ZNF683: variants seen among roughly 807,000 people sequenced by gnomAD.
ZNF683 encodes zinc finger protein 683.
ZNF683 carries 20 observed loss-of-function variants against 31.4 expected under a neutral mutation model. The observed-to-expected ratio is 0.64, with a 90% CI of 0.45 to 0.93. ZNF683 has a LOEUF of 0.93. ZNF683 is among the 40% of genes least tolerant of loss of function. ZNF683 has a pLI of 0.00. For missense variants in ZNF683, 621 were observed against 637.2 expected, an observed-to-expected ratio of 0.97 and a Z score of 0.27; for synonymous variants, 264 against 267.6, an observed-to-expected ratio of 0.99 and a Z score of 0.13.
In ZNF683 at chr1:26,364,911, G is replaced by T; in HGVS notation, c.635C>A (p.Pro212His). 1 of 1,546,554 alleles carries T rather than the reference G, an allele frequency of 6.5e-7. No homozygotes were observed. Among genetic ancestry groups the T allele is most frequent in the Non-Finnish European group, 8.7e-7 (1 of 1,149,640 alleles). Residue 212 changes from proline to histidine, a missense_variant, in exon 4 of 6, where the codon CCT (proline) becomes CAT (histidine). Transcript: ENST00000349618. ...PPHLFTYGAL[P>H]SDQCPHLLML... ...GAGGAGGTGGGGACATTGGTCAGAA[G>T]GTAGGGCCCCATAGGTGAACAGGTG...
chr1:26,368,445 G>C lies in ZNF683; in HGVS notation c.114+13C>G. ...AGACTACCCACAAAGGTAAGGCTGG[G>C]GTTCTACCTTACCTGGTCACCTCGG... On this transcript the variant is annotated intron_variant, in intron 2 of 5. Coordinates refer to ENST00000349618, the MANE Select transcript of ZNF683 (RefSeq NM_001114759.3). 6.4e-7 allele frequency: 1 copy of C among 1,563,404 alleles called. No homozygotes were observed. Among genetic ancestry groups the C allele is most frequent in the Non-Finnish European group, 8.6e-7 (1 of 1,157,306 alleles).
In ZNF683 at chr1:26,364,459, T is replaced by C; in HGVS notation, c.1014+73A>G. ...CTTCTAGCTTTGAGGTCCTTGCTTCTAGAAGCAGACTCGGGTGCATGGGGG... is the reference window on the plus strand; with the variant it reads ...CTTCTAGCTTTGAGGTCCTTGCTTCCAGAAGCAGACTCGGGTGCATGGGGG... On this transcript the variant is annotated intron_variant, in intron 4 of 5. Transcript: ENST00000349618. The C allele has an allele frequency of 1.9e-6, 3 of 1,562,960 alleles. No individual in the cohort carries two copies. In the African/African-American group the frequency reaches 4.1e-5, roughly 21 times the overall value.
intron 2 of ZNF683, 60 bp downstream of exon 2, chr1:26,368,398 A>G: frequency 2.0e-6 from 3 of 1,474,176 alleles, no homozygotes; most frequent in Middle Eastern, 1.8e-4. Context: ...TTTTCCTCCT[A>G]ATGTCACCTC....
At chr1:26,364,345 G>A (rs1171204079) in intron 4 of ZNF683, among the ~76,000 whole-genome samples, 187 bp downstream of exon 4, 1 of 152,144 alleles carries the variant, frequency 6.6e-6, no homozygotes, top group East Asian at 1.9e-4. Context: ...CCTCTAGGGT[G>A]GCGAGGACTT....
In ZNF683 at chr1:26,361,932, G is replaced by C. The variant is rs374260475; in HGVS notation, c.1234C>G (p.Arg412Gly). Residue 412 changes from arginine to glycine, a missense_variant, in exon 6 of 6, where the codon CGG (arginine) becomes GGG (glycine). Physicochemically the swap from Arg to Gly is moderately radical, Grantham distance 125 (BLOSUM62 -2). Transcript: ENST00000349618. ...GARPFQCSVC[R>G]SRFTQHIHLK... ...TGGATGTGCTGGGTGAAGCGACTCCGGCAGACACTGCACTGGAAGGGCCGG... is the reference window on the plus strand; with the variant it reads ...TGGATGTGCTGGGTGAAGCGACTCCCGCAGACACTGCACTGGAAGGGCCGG... 1.2e-6 allele frequency: 2 copies of C among 1,613,874 alleles called. No homozygotes were observed. Among genetic ancestry groups the C allele is most frequent in the Non-Finnish European group, 1.7e-6 (2 of 1,179,896 alleles).
chr1:26,368,544 C>T lies in ZNF683; in HGVS notation c.28G>A (p.Gly10Ser). 6.2e-7 allele frequency: 1 copy of T among 1,606,682 alleles called. No homozygotes were observed. The highest frequency in any genetic ancestry group is 8.5e-7 in the Non-Finnish European group (1 of 1,176,520). Residue 10 changes from glycine to serine, a missense_variant, in exon 2 of 6, where the codon GGT becomes AGT. Transcript: ENST00000349618. ...AGGGCCATGGGCCTATGACAACAAC[C>T]TAATTGTGCAGCTGATTCTTCCTTC... is the stretch of plus-strand genomic sequence containing the variant. Reference protein sequence around the residue: MKEESAAQLGCCHRPMALGG... With the variant: MKEESAAQLSCCHRPMALGG...
intron 4 of ZNF683, 36 bp downstream of exon 4, chr1:26,364,496 T>C: frequency 6.2e-7 from 1 of 1,604,124 alleles, no homozygotes; most frequent in South Asian, 1.1e-5. Context: ...CCCTGAAGGA[T>C]GTTGAGGGGA....
chr1:26,369,015 C>T (rs1339655909), intron 1 of ZNF683, among the ~76,000 whole-genome samples: 5 of 151,808 alleles, frequency 3.3e-5, no homozygotes, highest in Non-Finnish European at 2.9e-5. Flanking sequence ...GAGTCCAAGG[C>T]GGTTGGATGA....
rs2074478830 is a variant in ZNF683, at chr1:26,364,854, A to G, written c.692T>C (p.Met231Thr). The change falls in exon 4 of 6, where the codon ATG becomes ACG. Residue 231 changes from methionine (M) to threonine (T), a missense_variant. Transcript: ENST00000349618. ...MLPQDPSYPT[M>T]AMPSLLMMVN... ...CATCATCAGCAGGCTAGGCATAGCC[A>G]TGGTGGGGTAGGAGGGGTCTTGGGG... is the stretch of plus-strand genomic sequence containing the variant. 6.4e-7 allele frequency: 1 copy of G among 1,561,764 alleles called. No individual in the cohort carries two copies. The highest frequency in any genetic ancestry group is 8.7e-7 in the Non-Finnish European group (1 of 1,154,756).
intron 3 of ZNF683, among the ~76,000 whole-genome samples, chr1:26,367,083 G>A (rs2074541947): frequency 6.6e-6 from 1 of 152,094 alleles, no homozygotes; most frequent in African/African-American, 2.4e-5. Flanking sequence ...TGGCCAACAT[G>A]GCAAAACCCT....
chr1:26,364,387 A>G (rs1009937334), intron 4 of ZNF683, 145 bp downstream of exon 4: 1 of 868,886 alleles, frequency 1.2e-6, no homozygotes, highest in African/African-American at 1.7e-5. Context: ...TCTCCACCCA[A>G]ATGAACCATC....
At chr1:26,373,833 G>T (rs1557746983), upstream of ZNF683, among the ~76,000 whole-genome samples, 1 of 152,162 alleles carries the variant, frequency 6.6e-6, no homozygotes, top group Non-Finnish European at 1.5e-5. Flanking sequence ...CTTTCTTGCT[G>T]TGTCTGGCAC....
chr1:26,374,140 AC>A (rs1282166895), upstream of ZNF683: 5 of 847,998 alleles, frequency 5.9e-6, no homozygotes, highest in Admixed American at 3.4e-5. Flanking sequence ...GTTCACCAAA[AC>A]TCTACTCCCT....
intron 3 of ZNF683, among the ~76,000 whole-genome samples, chr1:26,367,267 A>AAAAC (rs140165601): frequency 0.11 from 16,771 of 151,512 alleles, 1,132 homozygotes; most frequent in African/African-American, 0.18. Flanking sequence ...CTCCATCTCA[A>AAAAC]AAACAAACAA....
Position 26,372,657 on chromosome 1 carries a change from T to C in ZNF683, c.-15+12A>G, listed in dbSNP as rs2074696787. 1 of 1,302,170 alleles carries C rather than the reference T, an allele frequency of 7.7e-7. No homozygotes were observed. The highest frequency in any genetic ancestry group is 2.3e-5 in the Admixed American group (1 of 43,484). The allele number at this position is 1,302,170 out of a possible 1,614,324, so 80.7% of individuals were successfully genotyped here. ...AAAACTACTTCCCCTCTATCCGCAC[T>C]TCCCAACCTACTCTGGTGATCATGG... On this transcript the variant is annotated intron_variant, in intron 1 of 5. Transcript: ENST00000349618.
At chr1:26,365,687 A>G (rs1249240614) in intron 3 of ZNF683, among the ~76,000 whole-genome samples, 1 of 152,252 alleles carries the variant, frequency 6.6e-6, no homozygotes, top group Non-Finnish European at 1.5e-5. Context: ...CCATTATTGC[A>G]GGGAGTTCTA....
intron 5 of ZNF683, 148 bp from the exon 6 acceptor site, chr1:26,362,170 C>A (rs372846363): frequency 4.4e-6 from 7 of 1,593,764 alleles, no homozygotes; most frequent in South Asian, 2.3e-5. Flanking sequence ...CTGGAACCCA[C>A]GGTATCTAGC....
At chr1:26,369,671 A>AAAAAAAAAAAAAAGAAAG (rs773578187) in intron 1 of ZNF683, among the ~76,000 whole-genome samples, 2,338 of 127,666 alleles carry the variant, frequency 0.018, 3 homozygotes, top group African/African-American at 0.071. Flanking sequence ...TTGTCTCCAA[A>AAAAAAAAAAAAAAGAAAG]AAAAAAAAAT....
At position 26,361,866 on chromosome 1, in the gene ZNF683, C is replaced by T. The variant is rs533399665; in HGVS notation, c.1300G>A (p.Gly434Ser). 9 of 1,614,012 alleles carry T rather than the reference C, an allele frequency of 5.6e-6. No homozygotes were observed. Among genetic ancestry groups the T allele is most frequent in the Non-Finnish European group, 7.6e-6 (9 of 1,179,898 alleles). The change falls in exon 6 of 6, where the codon GGC becomes AGC. Residue 434 changes from glycine (G) to serine (S), a missense_variant. Gly to Ser is a moderately conservative substitution (Grantham distance 56, BLOSUM62 0). Coordinates refer to ENST00000349618, the MANE Select transcript of ZNF683 (RefSeq NM_001114759.3). ...AGGGGCAGCTGGGTGTGCACCAGGCCACAGGGCTGTGGGGCATGCAGCCGA... is the reference window on the plus strand; with the variant it reads ...AGGGGCAGCTGGGTGTGCACCAGGCTACAGGGCTGTGGGGCATGCAGCCGA... ...HHRLHAPQPCGLVHTQLPLAS... is the reference protein window; with the variant it reads ...HHRLHAPQPCSLVHTQLPLAS...
Sources: allele counts gnomAD v4.1 joint callset (sites outside exome capture counted in the v4.1 genomes callset), GRCh38; gene constraint gnomAD v4.1.1; transcripts MANE v1.5; gene names NCBI Gene and HGNC (gene_info 2026-07-23, HGNC 2026-07-21).